The following RNF220 variants were observed in gnomAD, a reference collection of about 807,000 sequenced individuals.
RNF220 encodes the protein E3 ubiquitin-protein ligase RNF220.
RNF220 carries 7 observed loss-of-function variants against 67.1 expected under a neutral mutation model. The observed-to-expected ratio is 0.10, with a 90% CI of 0.06 to 0.20. RNF220 has a LOEUF of 0.20. RNF220 is among the 10% of genes least tolerant of loss of function. The pLI, the probability that RNF220 is intolerant of heterozygous loss-of-function variation, is 1.00. For synonymous variants in RNF220, 270 were observed against 283.2 expected, an observed-to-expected ratio of 0.95 and a Z score of 0.47; for missense variants, 565 against 740.3, an observed-to-expected ratio of 0.76 and a Z score of 2.75.
intron 5 of RNF220, among the ~76,000 whole-genome samples, chr1:44,628,827 T>G (rs1644032080): frequency 6.6e-6 from 1 of 152,220 alleles, no homozygotes; most frequent in Admixed American, 6.5e-5. Context: ...AAATATCATC[T>G]CCTCCAGGAA....
At chr1:44,506,152 A>G (rs1013801915) in intron 2 of RNF220, among the ~76,000 whole-genome samples, 2 of 152,188 alleles carry the variant, frequency 1.3e-5, no homozygotes, top group African/African-American at 2.4e-5. Context: ...CCCAGAAGTT[A>G]TTGTCCCTTA....
chr1:44,500,578 T>A (rs549171882), intron 2 of RNF220, among the ~76,000 whole-genome samples: 7 of 152,332 alleles, frequency 4.6e-5, no homozygotes, highest in Non-Finnish European at 5.9e-5. Context: ...TGAGCGTGTA[T>A]GATAGGTGCT....
At chr1:44,561,643 A>G (rs12077531) in intron 2 of RNF220, among the ~76,000 whole-genome samples, 16,639 of 152,178 alleles carry the variant, frequency 0.11, 2,690 homozygotes, top group African/African-American at 0.35. Flanking sequence ...GGGGCCAGGC[A>G]CAGCAGCTCA....
intron 2 of RNF220, among the ~76,000 whole-genome samples, chr1:44,545,757 A>AT (rs11372709): frequency 0.19 from 27,410 of 140,638 alleles, 4,887 homozygotes; most frequent in African/African-American, 0.46. Context: ...CAGAAACCCA[A>AT]TTTTTTTTTT....
chr1:44,622,852 C>T lies in RNF220; in HGVS notation c.804+65C>T. Reference sequence around the variant, plus strand: ...ACCTAGGCCTACCCAGAACTGGTTCCTCCTGAGAAAAAGGAGCTTTTCTAG... The same window carrying T: ...ACCTAGGCCTACCCAGAACTGGTTCTTCCTGAGAAAAAGGAGCTTTTCTAG... On this transcript the variant is annotated intron_variant, in intron 4 of 14. Transcript: ENST00000361799. The surrounding 1 kb of genome is among the most constrained non-coding windows in gnomAD (Gnocchi z 4.3). 2 of 1,418,496 alleles carry T rather than the reference C, an allele frequency of 1.4e-6. No individual in the cohort carries two copies. The highest frequency in any genetic ancestry group is 9.9e-7 in the Non-Finnish European group (1 of 1,008,960). 87.9% of individuals were successfully genotyped at this position (1,418,496 alleles called of 1,614,324 possible).
intron 2 of RNF220, among the ~76,000 whole-genome samples, chr1:44,442,576 G>A (rs1651678507): frequency 7.1e-6 from 1 of 141,706 alleles, no homozygotes; most frequent in African/African-American, 2.6e-5. Flanking sequence ...GTGCAATGAT[G>A]TGGTCTCGCC....
chr1:44,516,174 G>T (rs913093522), intron 2 of RNF220, among the ~76,000 whole-genome samples: 1 of 152,110 alleles, frequency 6.6e-6, no homozygotes, highest in African/African-American at 2.4e-5. Flanking sequence ...AAACTGCCTC[G>T]TCTAAGTTAA....
intron 2 of RNF220, among the ~76,000 whole-genome samples, chr1:44,522,252 C>T (rs1010527278): frequency 2.6e-5 from 4 of 152,112 alleles, no homozygotes; most frequent in Non-Finnish European, 4.4e-5. Context: ...CCAGCTCTGT[C>T]GCGTGTTCAC....
chr1:44,543,276 A>G (rs1452817338), intron 2 of RNF220, among the ~76,000 whole-genome samples: 1 of 151,666 alleles, frequency 6.6e-6, no homozygotes, highest in Non-Finnish European at 1.5e-5. Flanking sequence ...GCCTGGGGTT[A>G]ATGCCCAGTG....
At chr1:44,540,511 A>C (rs1370592867) in intron 2 of RNF220, among the ~76,000 whole-genome samples, 1 of 152,160 alleles carries the variant, frequency 6.6e-6, no homozygotes, top group Non-Finnish European at 1.5e-5. Context: ...TTTATGGAGA[A>C]AAATGAAAAA....
In RNF220 at chr1:44,631,894, G is replaced by A. The variant is rs558034968; in HGVS notation, c.907-449G>A. ...ACCCGAGTACAAACGGCAGCTTCCT[G>A]GTCTCTGTCCGGCCGCCCCCGCCGC... On this transcript the variant is annotated intron_variant, in intron 5 of 14. Coordinates refer to ENST00000361799, the MANE Select transcript of RNF220 (RefSeq NM_018150.4). The A allele has an allele frequency of 1.0e-5, 10 of 986,008 alleles. No individual in the cohort carries two copies. In the East Asian group the frequency reaches 9.1e-4, roughly 89 times the overall value. 61.1% of individuals were successfully genotyped at this position (986,008 alleles called of 1,614,324 possible). A position where few individuals can be genotyped will look rare whatever the true frequency, so the allele number is the denominator to read the frequency against.
rs954566445 is a variant in RNF220 at position 44,645,760 on chromosome 1, G to A, written c.1445+272G>A. Among the ~76,000 whole-genome samples, 11 of 152,240 alleles carry A rather than the reference G, an allele frequency of 7.2e-5. No individual in the cohort carries two copies. The highest frequency in any genetic ancestry group is 2.2e-4 in the African/African-American group (9 of 41,466). ...CTGCCCGCCTGCTGCGGCGGCCTTC[G>A]CCCGGGGAATGTGATGTATGGCCGC... On this transcript the variant is annotated intron_variant, in intron 12 of 14. Transcript: ENST00000361799. This position sits in a 1 kb window ranked among gnomAD's most constrained non-coding sequence, Gnocchi z 5.0.
At chr1:44,582,174 G>A (rs1025457998) in intron 2 of RNF220, among the ~76,000 whole-genome samples, 21 of 152,174 alleles carry the variant, frequency 1.4e-4, no homozygotes, top group Non-Finnish European at 1.0e-4. Context: ...GAAAAAACTA[G>A]AGCTGGAAAC....
intron 2 of RNF220, among the ~76,000 whole-genome samples, chr1:44,558,990 T>C (rs1477809547): frequency 6.6e-6 from 1 of 152,262 alleles, no homozygotes; most frequent in East Asian, 1.9e-4. Flanking sequence ...GTTTGTGTAA[T>C]GTGTTCCTTT....
chr1:44,479,154 C>A (rs759123974), intron 2 of RNF220, among the ~76,000 whole-genome samples: 2 of 150,064 alleles, frequency 1.3e-5, no homozygotes, highest in African/African-American at 4.9e-5. Flanking sequence ...CTCACTCAGT[C>A]GCCCAGGCTG....
At chr1:44,501,383 G>T (rs192989801) in intron 2 of RNF220, among the ~76,000 whole-genome samples, 1 of 152,120 alleles carries the variant, frequency 6.6e-6, no homozygotes, top group African/African-American at 2.4e-5. Context: ...TGAGGGGGAG[G>T]GGGTGGATTC....
chr1:44,646,410 G>A (rs906715701), intron 12 of RNF220, among the ~76,000 whole-genome samples: 1 of 152,262 alleles, frequency 6.6e-6, no homozygotes, highest in Non-Finnish European at 1.5e-5. Flanking sequence ...TGTATGGGCC[G>A]CGGCGCAGGG....
At chr1:44,424,694 C>G (rs947856426) in intron 2 of RNF220, among the ~76,000 whole-genome samples, 1 of 152,218 alleles carries the variant, frequency 6.6e-6, no homozygotes, top group East Asian at 1.9e-4. Context: ...CCCGGCTCCC[C>G]CTCTGCCACT....
chr1:44,460,382 G>A (rs1013188802), intron 2 of RNF220, among the ~76,000 whole-genome samples: 1 of 152,210 alleles, frequency 6.6e-6, no homozygotes, highest in South Asian at 2.1e-4. Flanking sequence ...GGTACCTGCA[G>A]TTTCACTGGC....
Sources: gnomAD v4.1 joint callset for allele counts (sites outside exome capture counted in the v4.1 genomes callset) on GRCh38, gnomAD v4.1.1 for gene constraint, Gnocchi (gnomAD v3.1) non-coding constraint, MANE v1.5 for transcripts, NCBI Gene and HGNC (gene_info 2026-07-23, HGNC 2026-07-21) for gene names.